Variants in PKNOX2 observed in about 807,000 individuals in gnomAD.
PKNOX2 encodes PBX/knotted 1 homeobox 2, also known as homeobox protein PKNOX2.
Under a neutral mutation model 53.1 loss-of-function variants are expected in PKNOX2, and 14 were observed. The observed-to-expected ratio is 0.26, with a 90% confidence interval of 0.17 to 0.41. PKNOX2 has a LOEUF of 0.41. Among genes scored for constraint, PKNOX2 ranks in the 10% least tolerant of loss-of-function variants. PKNOX2 has a pLI of 1.00. For synonymous variants in PKNOX2, 257 were observed against 242.8 expected (o/e 1.06, Z -0.54); for missense variants, 496 against 602.8 (o/e 0.82, Z 1.85).
chr11:125,381,416 C>G (rs1169403856), intron 5 of PKNOX2, among the ~76,000 whole-genome samples: 1 of 152,144 alleles, frequency 6.6e-6, no homozygotes, highest in Non-Finnish European at 1.5e-5. Flanking sequence ...CCTGTAAAGT[C>G]TGCCCTATGC....
At chr11:125,206,187 C>A (rs1309745017) in intron 1 of PKNOX2, among the ~76,000 whole-genome samples, 2 of 151,772 alleles carry the variant, frequency 1.3e-5, no homozygotes, top group Admixed American at 1.3e-4. Flanking sequence ...GTCTAGTGGG[C>A]GGTGGGGGGG....
chr11:125,428,953 C>A, intron 10 of PKNOX2, 59 bp from the exon 11 acceptor site: 1 of 1,541,488 alleles, frequency 6.5e-7, no homozygotes, highest in South Asian at 1.1e-5. Flanking sequence ...GGCACAGTCC[C>A]TTGGGGGGGC....
At chr11:125,331,762 G>C (rs577569886) in intron 2 of PKNOX2, 57 bp from the exon 3 acceptor site, 1 of 152,504 alleles carries the variant, frequency 6.6e-6, no homozygotes, top group Non-Finnish European at 1.5e-5. Context: ...CCTCCTCTCT[G>C]ACCACCCCTG....
intron 2 of PKNOX2, among the ~76,000 whole-genome samples, chr11:125,327,414 C>T (rs558626968): frequency 3.0e-4 from 45 of 152,290 alleles, no homozygotes; most frequent in Non-Finnish European, 5.0e-4. Context: ...CTGAACCATC[C>T]GGGTCATTGG....
chr11:125,429,196 C>A, intron 11 of PKNOX2, 108 bp downstream of exon 11: 1 of 1,077,242 alleles, frequency 9.3e-7, no homozygotes, highest in Non-Finnish European at 1.4e-6. Flanking sequence ...CTGCCTCAAT[C>A]TCAGCCCAGC....
At chr11:125,233,520 G>T (rs1474179259) in intron 1 of PKNOX2, among the ~76,000 whole-genome samples, 1 of 152,220 alleles carries the variant, frequency 6.6e-6, no homozygotes, top group East Asian at 1.9e-4. Flanking sequence ...CCCAGCACAG[G>T]CTGGGCACTC....
intron 1 of PKNOX2, among the ~76,000 whole-genome samples, chr11:125,195,168 C>T (rs1254280030): frequency 2.6e-5 from 4 of 152,088 alleles, no homozygotes. Flanking sequence ...TCATTATGAC[C>T]GTGTTTTAAT....
rs189283505 is a variant in PKNOX2 at position 125,431,233 on chromosome 11, T to C, written c.1260T>C (p.Ala420=). 330 of 1,613,750 alleles carry C rather than the reference T, an allele frequency of 2.0e-4. No homozygotes were observed. In the African/African-American group the frequency reaches 4.1e-3, roughly 20 times the overall value. The change falls in exon 13 of 13, where the codon GCT becomes GCC. Residue 420 remains alanine (A), a synonymous_variant. Coordinates refer to ENST00000298282, the MANE Select transcript of PKNOX2 (RefSeq NM_001382323.2). ...GTGCCACCATGGCCATGCAGCAGGC[T>C]ATGATGGCTGCACACGATGACTCAT... ...SDSATMAMQQ[A]MMAAHDDSLD...
intron 2 of PKNOX2, among the ~76,000 whole-genome samples, chr11:125,247,931 A>G (rs1278115711): frequency 6.6e-6 from 1 of 152,078 alleles, no homozygotes; most frequent in Non-Finnish European, 1.5e-5. Flanking sequence ...CCTCTTCCAC[A>G]AAGTCTTCTT....
chr11:125,178,713 A>AAG (rs1290689365), intron 1 of PKNOX2, among the ~76,000 whole-genome samples: 3,811 of 130,822 alleles, frequency 0.029, 652 homozygotes, highest in African/African-American at 0.13. Context: ...AAAGAAAGAA[A>AAG]GAAAGAGAAA....
rs764277654 is a variant in PKNOX2 at position 125,410,337 on chromosome 11, G to C, written c.718+12G>C. On this transcript the variant is annotated intron_variant, in intron 8 of 12. Coordinates refer to ENST00000298282, the MANE Select transcript of PKNOX2 (RefSeq NM_001382323.2). ...ACAAGTTGTGTCAGGTCGGTGCAAA[G>C]ACTGGGAAGGGTGATTGTGGGAATT... is the stretch of plus-strand genomic sequence containing the variant. 1.3e-5 allele frequency: 21 copies of C among 1,613,820 alleles called. No homozygotes were observed. The East Asian group carries it at 4.7e-4, about 36-fold the overall frequency.
chr11:125,369,102 A>C (rs1479358071), intron 5 of PKNOX2, among the ~76,000 whole-genome samples: 4 of 152,242 alleles, frequency 2.6e-5, no homozygotes, highest in African/African-American at 4.8e-5. Context: ...TAATGGTGGT[A>C]ATTAGGGCTG....
At position 125,363,899 on chromosome 11, in the gene PKNOX2, A is replaced by C. The variant is rs779804015; in HGVS notation, c.88-3947A>C. Among the ~76,000 whole-genome samples, 11 of 152,226 alleles carry C rather than the reference A, an allele frequency of 7.2e-5. No homozygotes were observed. The East Asian group carries it at 2.1e-3, about 29-fold the overall frequency. On this transcript the variant is annotated intron_variant, in intron 4 of 12. Coordinates refer to ENST00000298282, the MANE Select transcript of PKNOX2 (RefSeq NM_001382323.2). ...AAGCCCTGATTTGCAGCATTTGCCA[A>C]TTTCCATGGTGTAAATGCTCCCACC... is the stretch of plus-strand genomic sequence containing the variant.
intron 1 of PKNOX2, among the ~76,000 whole-genome samples, chr11:125,178,384 G>A (rs1418945734): frequency 5.9e-5 from 9 of 151,816 alleles, no homozygotes; most frequent in Non-Finnish European, 4.4e-5. Context: ...TGTGGCACAT[G>A]CCTGTAATCC....
At chr11:125,409,947 G>A (rs1235865166) in intron 7 of PKNOX2, 4 of 397,438 alleles carry the variant, frequency 1.0e-5, no homozygotes, top group African/African-American at 6.1e-5. Flanking sequence ...GATAATTTGT[G>A]CCTTAGGTTT....
Position 125,228,132 on chromosome 11 carries a change from C to T in PKNOX2, c.-200-6913C>T, listed in dbSNP as rs981960162. Reference sequence around the variant, plus strand: ...AAAAAGATACAATAGCCTTAACATTCTAGAGCAACTCAGTCCTGCACAACC... The same window carrying T: ...AAAAAGATACAATAGCCTTAACATTTTAGAGCAACTCAGTCCTGCACAACC... On this transcript the variant is annotated intron_variant, in intron 1 of 12. Coordinates refer to ENST00000298282, the MANE Select transcript of PKNOX2 (RefSeq NM_001382323.2). Among the ~76,000 whole-genome samples the T allele has an allele frequency of 4.6e-5, 7 of 152,186 alleles. No homozygotes were observed. In the East Asian group the frequency reaches 1.3e-3, roughly 29 times the overall value.
chr11:125,283,094 A>G (rs1404360032), intron 2 of PKNOX2, among the ~76,000 whole-genome samples: 1 of 152,180 alleles, frequency 6.6e-6, no homozygotes, highest in Non-Finnish European at 1.5e-5. Context: ...TGAGGTTGCC[A>G]TGAACTGAAA....
At chr11:125,206,666 T>C (rs748537962) in intron 1 of PKNOX2, among the ~76,000 whole-genome samples, 8 of 152,128 alleles carry the variant, frequency 5.3e-5, no homozygotes, top group Non-Finnish European at 1.0e-4. Flanking sequence ...CTCAATTTCC[T>C]AATCTGTTAA....
intron 1 of PKNOX2, among the ~76,000 whole-genome samples, chr11:125,217,256 C>T (rs1940637823): frequency 1.3e-5 from 2 of 152,282 alleles, no homozygotes; most frequent in Non-Finnish European, 1.5e-5. Context: ...TCTCTCCTTC[C>T]ACACTCCTCT....
Sources: allele counts gnomAD v4.1 joint callset (sites outside exome capture counted in the v4.1 genomes callset), GRCh38; gene constraint gnomAD v4.1.1; transcripts MANE v1.5; gene names NCBI Gene and HGNC (gene_info 2026-07-23, HGNC 2026-07-21).